ATG5: variants seen among roughly 807,000 people sequenced by gnomAD.
The protein encoded by ATG5 is autophagy protein 5.
A neutral mutation model predicts 36.5 loss-of-function variants in ATG5; 14 were observed. The observed-to-expected ratio is 0.38, with a 90% CI of 0.25 to 0.60. The LOEUF (loss-of-function observed/expected upper bound fraction) is 0.60, where lower values mean the gene tolerates loss of function less well. ATG5 is among the 20% of genes least tolerant of loss of function. The pLI, the probability that ATG5 is intolerant of heterozygous loss-of-function variation, is 0.60. For synonymous variants in ATG5, 95 were observed against 101.5 expected (o/e 0.94, Z 0.38); for missense variants, 195 against 326.7 (o/e 0.60, Z 3.11).
At chr6:106,232,906 A>C (rs946196124) in intron 6 of ATG5, among the ~76,000 whole-genome samples, 1 of 152,134 alleles carries the variant, frequency 6.6e-6, no homozygotes, top group Non-Finnish European at 1.5e-5. Context: ...TTGCCTTTGA[A>C]GATCCTTCAA....
intron 7 of ATG5, among the ~76,000 whole-genome samples, chr6:106,195,513 C>T (rs188296107): frequency 8.9e-4 from 135 of 151,466 alleles, no homozygotes; most frequent in Admixed American, 1.9e-3. Flanking sequence ...TTTTTTAATA[C>T]GTAATAAAAA....
intron 3 of ATG5, among the ~76,000 whole-genome samples, chr6:106,303,639 C>G (rs764715287): frequency 8.6e-5 from 13 of 152,014 alleles, no homozygotes; most frequent in Non-Finnish European, 1.3e-4. Context: ...GAACATAAGA[C>G]ACAAAAATCC....
At chr6:106,298,701 A>AT (rs1770082240) in intron 3 of ATG5, among the ~76,000 whole-genome samples, 1 of 152,228 alleles carries the variant, frequency 6.6e-6, no homozygotes. Flanking sequence ...GTCAAATTCC[A>AT]TAATTAACAT....
intron 7 of ATG5, among the ~76,000 whole-genome samples, chr6:106,197,114 G>C (rs1267216726): frequency 6.6e-6 from 1 of 152,092 alleles, no homozygotes; most frequent in Non-Finnish European, 1.5e-5. Context: ...CAAAGTTTTG[G>C]GTTTCATTGC....
intron 6 of ATG5, among the ~76,000 whole-genome samples, chr6:106,244,535 A>T (rs968424225): frequency 2.6e-5 from 4 of 152,202 alleles, no homozygotes; most frequent in African/African-American, 9.7e-5. Flanking sequence ...AATCTCTGGG[A>T]ATGCAACATT....
chr6:106,234,968 G>A (rs182784404), intron 6 of ATG5, among the ~76,000 whole-genome samples: 1 of 150,182 alleles, frequency 6.7e-6, no homozygotes, highest in East Asian at 1.9e-4. Context: ...TTATTTTTAG[G>A]GGAAGAATGT....
rs751072722 is a variant in ATG5, at chr6:106,186,501, C to A, written c.*39G>T. The stretch of plus-strand genomic sequence containing the variant: ...AAGGGTGACATGCTCTGATAAATCC[C>A]ATTTAAGGATGATTCTGTTCAGGCA... On this transcript the variant is annotated 3_prime_UTR_variant, in exon 8 of 8. Transcript: ENST00000369076. The A allele has an allele frequency of 1.2e-6, 2 of 1,607,644 alleles. No homozygotes were observed. Among genetic ancestry groups the A allele is most frequent in the African/African-American group, 2.7e-5 (2 of 74,774 alleles).
intron 4 of ATG5, 134 bp downstream of exon 4, chr6:106,292,894 C>A: frequency 1.5e-6 from 1 of 661,446 alleles, no homozygotes; most frequent in Admixed American, 2.9e-5. Context: ...TAGACAAATA[C>A]TAATCGAAGC....
Position 106,306,272 on chromosome 6 carries a change from C to G in ATG5, c.236+2092G>C, listed in dbSNP as rs538061957. On this transcript the variant is annotated intron_variant, in intron 3 of 7. Coordinates refer to ENST00000369076, the MANE Select transcript of ATG5 (RefSeq NM_004849.4). ...GTCCAAACACTATTTACCCATAAAC[C>G]TATAAAATATAAGCCATATTGAATA... Among the ~76,000 whole-genome samples, 12 of 152,226 alleles carry G rather than the reference C, an allele frequency of 7.9e-5. No homozygotes were observed. In the East Asian group the frequency reaches 2.1e-3, roughly 27 times the overall value.
At chr6:106,298,473 C>T (rs1226896935) in intron 3 of ATG5, among the ~76,000 whole-genome samples, 1 of 151,972 alleles carries the variant, frequency 6.6e-6, no homozygotes, top group East Asian at 1.9e-4. Context: ...ATTGCTTGAA[C>T]CCGGGAGGCG....
chr6:106,188,962 A>T lies in ATG5; in HGVS notation c.692-2286T>A, dbSNP rs572981391. Among the ~76,000 whole-genome samples the T allele has an allele frequency of 2.7e-4, 41 of 152,316 alleles. No homozygotes were observed. In the South Asian group the frequency reaches 8.5e-3, roughly 32 times the overall value. ...CACAATTTTAAACAGAGGGATTCTTAGAATAGGGCAGCAGAAACTTCAAAC... is the reference window on the plus strand; with the variant it reads ...CACAATTTTAAACAGAGGGATTCTTTGAATAGGGCAGCAGAAACTTCAAAC... On this transcript the variant is annotated intron_variant, in intron 7 of 7. Transcript: ENST00000369076.
chr6:106,303,901 A>G (rs1157319854), intron 3 of ATG5, among the ~76,000 whole-genome samples: 4 of 152,002 alleles, frequency 2.6e-5, no homozygotes, highest in Admixed American at 6.6e-5. Flanking sequence ...CATAAAATTA[A>G]GAACACCAGA....
chr6:106,232,532 G>C (rs1295430534), intron 6 of ATG5, among the ~76,000 whole-genome samples: 1 of 152,006 alleles, frequency 6.6e-6, no homozygotes, highest in Non-Finnish European at 1.5e-5. Context: ...AGCAAAGAAT[G>C]CCCGTCCTGT....
At chr6:106,267,599 G>T (rs1199317360) in intron 5 of ATG5, among the ~76,000 whole-genome samples, 1 of 152,104 alleles carries the variant, frequency 6.6e-6, no homozygotes, top group Non-Finnish European at 1.5e-5. Flanking sequence ...ATATTACAAG[G>T]CCACAGTAAC....
At chr6:106,202,877 G>C (rs541006155) in intron 6 of ATG5, among the ~76,000 whole-genome samples, 5 of 152,254 alleles carry the variant, frequency 3.3e-5, no homozygotes, top group African/African-American at 1.2e-4. Flanking sequence ...TGCCCAGGCT[G>C]GTCTCAAACT....
chr6:106,271,403 C>A (rs889813991), intron 5 of ATG5, among the ~76,000 whole-genome samples: 3 of 152,138 alleles, frequency 2.0e-5, no homozygotes, highest in African/African-American at 7.2e-5. Flanking sequence ...AGAAAACAGA[C>A]CCCAGAGAAA....
chr6:106,243,873 A>G (rs1162532479), intron 6 of ATG5, among the ~76,000 whole-genome samples: 1 of 150,494 alleles, frequency 6.6e-6, no homozygotes, highest in Non-Finnish European at 1.5e-5. Context: ...AAAAATATAT[A>G]AAAATAAAAC....
At chr6:106,325,081 G>A (rs1373291316) in intron 1 of ATG5, among the ~76,000 whole-genome samples, 1 of 152,206 alleles carries the variant, frequency 6.6e-6, no homozygotes, top group Non-Finnish European at 1.5e-5. Context: ...AACAGAAAAT[G>A]TCTTTGGTAG....
intron 4 of ATG5, among the ~76,000 whole-genome samples, chr6:106,288,279 T>C (rs1482091607): frequency 6.6e-6 from 1 of 152,074 alleles, no homozygotes; most frequent in Non-Finnish European, 1.5e-5. Context: ...CACAATTAAT[T>C]TTTCTAATAT....
Sources: allele counts gnomAD v4.1 joint callset (sites outside exome capture counted in the v4.1 genomes callset), GRCh38; gene constraint gnomAD v4.1.1; transcripts MANE v1.5; gene names NCBI Gene and HGNC (gene_info 2026-07-23, HGNC 2026-07-21).